CTNNA2: variants seen among roughly 807,000 people sequenced by gnomAD.
CTNNA2 encodes catenin alpha-2.
A neutral mutation model predicts 101.0 loss-of-function variants in CTNNA2; 42 were observed. The ratio of observed to expected loss-of-function variants is 0.42; its 90% CI spans 0.32 to 0.54. CTNNA2 has a LOEUF of 0.54. CTNNA2 is among the 20% of genes least tolerant of loss of function. The pLI is 0.14. For missense variants in CTNNA2, 871 were observed against 1,223.1 expected (o/e 0.71, Z 4.29); for synonymous variants, 450 against 456.4 (o/e 0.99, Z 0.18).
At chr2:79,745,604 C>T (rs1032171677) in intron 3 of CTNNA2, among the ~76,000 whole-genome samples, 2 of 152,112 alleles carry the variant, frequency 1.3e-5, no homozygotes, top group Non-Finnish European at 2.9e-5. Context: ...TCCCTGAAGC[C>T]TCTGGCAATC....
intron 1 of CTNNA2, among the ~76,000 whole-genome samples, chr2:79,565,535 T>G (rs1353351821): frequency 6.6e-6 from 1 of 152,132 alleles, no homozygotes; most frequent in Admixed American, 6.6e-5. Flanking sequence ...GATGATGGCC[T>G]GATTTAGGAT....
intron 2 of CTNNA2, among the ~76,000 whole-genome samples, chr2:79,742,153 C>A (rs1402645232): frequency 6.6e-6 from 1 of 152,162 alleles, no homozygotes; most frequent in African/African-American, 2.4e-5. Context: ...ATTTGCATCA[C>A]CAAAACTGTG....
At chr2:79,443,903 ACTCT>A (rs3979544) in intron 4 of CTNNA2, among the ~76,000 whole-genome samples, 41,364 of 141,492 alleles carry the variant, frequency 0.29, 5,830 homozygotes, top group East Asian at 0.46. Context: ...TTGTATACAT[ACTCT>A]CTCTCTCTCT....
chr2:80,097,163 T>G lies in CTNNA2; in HGVS notation c.1056+187366T>G, dbSNP rs768376350. ...CTGGTACCGGTTGTTCCTTTCCATG[T>G]TTAGTGCTTCCTTCATGAGCTCTTT... On this transcript the variant is annotated intron_variant, in intron 7 of 18. Transcript: ENST00000402739. 8.9e-4 allele frequency among the ~76,000 whole-genome samples: 136 copies of G among 152,328 alleles called. 1 individual carries two copies. The highest frequency in any genetic ancestry group is 1.6e-3 in the Non-Finnish European group (110 of 68,032).
chr2:79,578,692 G>C (rs1284363742), intron 1 of CTNNA2, among the ~76,000 whole-genome samples: 1 of 152,110 alleles, frequency 6.6e-6, no homozygotes, highest in Non-Finnish European at 1.5e-5. Flanking sequence ...ATATAGCACA[G>C]GCCTGTTCCT....
chr2:79,189,734 CG>C (rs973616467), intron 1 of CTNNA2, among the ~76,000 whole-genome samples: 5 of 152,074 alleles, frequency 3.3e-5, no homozygotes, highest in Admixed American at 3.3e-4. Flanking sequence ...TTTTCTCCCA[CG>C]GATATTGGGA....
chr2:79,217,611 T>C (rs1039142107), intron 2 of CTNNA2, among the ~76,000 whole-genome samples: 1 of 152,088 alleles, frequency 6.6e-6, no homozygotes, highest in Admixed American at 6.5e-5. Context: ...TCTTTTGTAG[T>C]GGAATGTCAT....
At chr2:80,635,850 G>A (rs541578946) in intron 18 of CTNNA2, among the ~76,000 whole-genome samples, 2 of 151,952 alleles carry the variant, frequency 1.3e-5, no homozygotes, top group African/African-American at 2.4e-5. Context: ...GGGCATATCT[G>A]TTAAGGATAC....
At chr2:80,640,769 AT>A (rs569458183) in intron 18 of CTNNA2, among the ~76,000 whole-genome samples, 4 of 151,842 alleles carry the variant, frequency 2.6e-5, no homozygotes, top group Middle Eastern at 3.4e-3. Flanking sequence ...TTGTAGCAAA[AT>A]TTTTTTTTCC....
intron 2 of CTNNA2, among the ~76,000 whole-genome samples, chr2:79,241,966 C>T (rs376985083): frequency 7.3e-5 from 11 of 151,620 alleles, no homozygotes; most frequent in East Asian, 5.8e-4. Flanking sequence ...AGTGCAGTGG[C>T]GCGATCTCCG....
intron 1 of CTNNA2, among the ~76,000 whole-genome samples, chr2:79,605,345 T>C (rs1295588497): frequency 6.6e-6 from 1 of 152,164 alleles, no homozygotes; most frequent in African/African-American, 2.4e-5. Flanking sequence ...TTCATTGAGC[T>C]GTGGGACAAT....
intron 7 of CTNNA2, among the ~76,000 whole-genome samples, chr2:80,088,839 G>A (rs1390538338): frequency 6.6e-6 from 1 of 151,990 alleles, no homozygotes; most frequent in Non-Finnish European, 1.5e-5. Context: ...TGAGACTTTG[G>A]CTTAAATCGC....
intron 9 of CTNNA2, among the ~76,000 whole-genome samples, chr2:80,461,147 G>T (rs2149472170): frequency 6.6e-6 from 1 of 152,138 alleles, no homozygotes; most frequent in Middle Eastern, 3.4e-3. Context: ...TCCCATTTGT[G>T]CATTTCCTTG....
At chr2:79,671,379 T>A (rs1447153435) in intron 2 of CTNNA2, among the ~76,000 whole-genome samples, 1 of 152,154 alleles carries the variant, frequency 6.6e-6, no homozygotes, top group Non-Finnish European at 1.5e-5. Flanking sequence ...TTTTCCCCAA[T>A]ACCCTCTGCC....
rs1230103971 is a variant in CTNNA2, at chr2:79,227,940, C to CTAGTATCTATTGTAT, written c.-406+29864_-406+29865insTAGTATCTATTGTAT. Among the ~76,000 whole-genome samples the CTAGTATCTATTGTAT allele has an allele frequency of 1.8e-4, 28 of 152,222 alleles. No individual in the cohort carries two copies. In the East Asian group the frequency reaches 5.4e-3, roughly 29 times the overall value. ...CTAGTGATCCCTAGTATCTATTGTT[C>CTAGTATCTATTGTAT]CTATCGTTACAATCACGTACATTCA... On this transcript the variant is annotated intron_variant, in intron 2 of 21. Transcript: ENST00000466387.
At chr2:80,502,496 A>T (rs1174953318) in intron 9 of CTNNA2, among the ~76,000 whole-genome samples, 1 of 152,212 alleles carries the variant, frequency 6.6e-6, no homozygotes, top group East Asian at 1.9e-4. Flanking sequence ...GACAAAGACA[A>T]ATTACAAGAA....
At chr2:79,262,142 G>C (rs2104287943) in intron 2 of CTNNA2, among the ~76,000 whole-genome samples, 1 of 152,250 alleles carries the variant, frequency 6.6e-6, no homozygotes, top group East Asian at 1.9e-4. Flanking sequence ...TGAATAAAGA[G>C]AGGATTCTTA....
At chr2:80,481,972 C>T (rs575065295) in intron 9 of CTNNA2, among the ~76,000 whole-genome samples, 2 of 152,104 alleles carry the variant, frequency 1.3e-5, no homozygotes, top group Non-Finnish European at 1.5e-5. Context: ...ATGGCCATAT[C>T]GGGGAGATTA....
At chr2:79,655,274 G>A (rs1681530326) in intron 2 of CTNNA2, among the ~76,000 whole-genome samples, 1 of 152,142 alleles carries the variant, frequency 6.6e-6, no homozygotes, top group Non-Finnish European at 1.5e-5. Flanking sequence ...TTAAATGAAA[G>A]AAAATATTAG....
Sources: allele counts gnomAD v4.1 joint callset (sites outside exome capture counted in the v4.1 genomes callset), GRCh38; gene constraint gnomAD v4.1.1; transcripts MANE v1.5; gene names NCBI Gene and HGNC (gene_info 2026-07-23, HGNC 2026-07-21).